Variants in CNTN5 observed in about 807,000 individuals in gnomAD.
CNTN5 encodes the protein contactin-5.
A neutral mutation model predicts 129.1 loss-of-function variants in CNTN5; 77 were observed. The observed-to-expected ratio is 0.60, with a 90% CI of 0.50 to 0.72. The LOEUF is 0.72. CNTN5 is among the 30% of genes least tolerant of loss of function. CNTN5 has a pLI of 0.00. For synonymous variants in CNTN5, 509 were observed against 465.6 expected, an observed-to-expected ratio of 1.09 and a Z score of -1.20; for missense variants, 1,478 against 1,328.8, an observed-to-expected ratio of 1.11 and a Z score of -1.75.
chr11:99,551,854 T>C (rs1948494882), intron 2 of CNTN5, among the ~76,000 whole-genome samples: 1 of 152,058 alleles, frequency 6.6e-6, no homozygotes, highest in South Asian at 2.1e-4. Context: ...TTGACTGAAA[T>C]GTCATTATAT....
At chr11:100,321,691 T>A (rs1951699491) in intron 21 of CNTN5, among the ~76,000 whole-genome samples, 1 of 152,194 alleles carries the variant, frequency 6.6e-6, no homozygotes, top group Non-Finnish European at 1.5e-5. Context: ...GTGTTTGTTA[T>A]TTACGGCCTT....
At chr11:99,609,924 T>C (rs1359563691) in intron 3 of CNTN5, among the ~76,000 whole-genome samples, 3 of 152,122 alleles carry the variant, frequency 2.0e-5, no homozygotes, top group Non-Finnish European at 4.4e-5. Flanking sequence ...TAATGGAAAT[T>C]CCTCATGTTC....
rs200615470 is a variant in CNTN5, at chr11:100,193,594, C to G, written c.1815C>G (p.Phe605Leu). The G allele has an allele frequency of 6.2e-7, 1 of 1,612,082 alleles. No individual in the cohort carries two copies. Among genetic ancestry groups the G allele is most frequent in the Non-Finnish European group, 8.5e-7 (1 of 1,178,820 alleles). ...ACGATGCTAGTTTGGATGTCACTTT[C>G]TACTGGACTCTGAAAGGACAGCCTA... ...AIHDASLDVT[F>L]YWTLKGQPID... Residue 605 changes from phenylalanine to leucine, a missense_variant, in exon 15 of 25, where the codon TTC (phenylalanine) becomes TTG (leucine). Coordinates refer to ENST00000524871, the MANE Select transcript of CNTN5 (RefSeq NM_014361.4).
intron 9 of CNTN5, among the ~76,000 whole-genome samples, chr11:100,029,991 T>A (rs1416064863): frequency 2.0e-5 from 3 of 152,184 alleles, no homozygotes; most frequent in Non-Finnish European, 4.4e-5. Context: ...TCCACAAATA[T>A]AAACTGAATA....
intron 1 of CNTN5, among the ~76,000 whole-genome samples, chr11:99,053,076 A>G (rs1217839363): frequency 2.0e-5 from 3 of 151,884 alleles, no homozygotes; most frequent in African/African-American, 7.2e-5. Flanking sequence ...GTGCCAATAC[A>G]TTTAGTCAAT....
intron 4 of CNTN5, among the ~76,000 whole-genome samples, chr11:99,843,018 G>A (rs1237605874): frequency 6.6e-6 from 1 of 152,120 alleles, no homozygotes; most frequent in Non-Finnish European, 1.5e-5. Flanking sequence ...ATTACTTGAG[G>A]TTAGGAGTGT....
chr11:99,738,863 T>G (rs1943799112), intron 3 of CNTN5, among the ~76,000 whole-genome samples: 2 of 152,168 alleles, frequency 1.3e-5, no homozygotes, highest in Non-Finnish European at 2.9e-5. Flanking sequence ...TGTCAAAAGT[T>G]TTTTTCTATT....
intron 6 of CNTN5, among the ~76,000 whole-genome samples, chr11:99,895,198 A>G (rs772251597): frequency 3.3e-5 from 5 of 152,184 alleles, no homozygotes; most frequent in East Asian, 3.9e-4. Context: ...AGAGGGGACA[A>G]TGTCTCACCT....
At chr11:100,308,513 C>T (rs1951406295) in intron 21 of CNTN5, 45 bp downstream of exon 21, 1 of 1,566,170 alleles carries the variant, frequency 6.4e-7, no homozygotes, top group Non-Finnish European at 8.7e-7. Flanking sequence ...TTTCTTCTGA[C>T]ATCACATTCT....
At chr11:100,238,080 G>A (rs569960045) in intron 16 of CNTN5, among the ~76,000 whole-genome samples, 1 of 152,282 alleles carries the variant, frequency 6.6e-6, no homozygotes, top group South Asian at 2.1e-4. Context: ...AAGTAAAGGT[G>A]CATAAATTCA....
chr11:99,502,734 G>A (rs1946473357), intron 2 of CNTN5, among the ~76,000 whole-genome samples: 1 of 152,134 alleles, frequency 6.6e-6, no homozygotes, highest in African/African-American at 2.4e-5. Flanking sequence ...GCACAGTTAT[G>A]CTCTAGGTCC....
intron 1 of CNTN5, among the ~76,000 whole-genome samples, chr11:99,313,440 C>A (rs1319636601): frequency 2.0e-5 from 3 of 151,866 alleles, no homozygotes; most frequent in Non-Finnish European, 4.4e-5. Flanking sequence ...AGACTTAAGA[C>A]TTTTTTTACA....
At chr11:100,189,035 A>G (rs2138492537) in intron 13 of CNTN5, among the ~76,000 whole-genome samples, 1 of 152,190 alleles carries the variant, frequency 6.6e-6, no homozygotes, top group South Asian at 2.1e-4. Flanking sequence ...AATGGAACTC[A>G]TGGACATTAA....
chr11:99,159,187 G>T (rs1296294917), intron 1 of CNTN5, among the ~76,000 whole-genome samples: 1 of 152,120 alleles, frequency 6.6e-6, no homozygotes, highest in African/African-American at 2.4e-5. Flanking sequence ...TTTAACAAAT[G>T]TATATTTCCT....
chr11:99,381,722 A>T (rs1321005432), intron 2 of CNTN5, among the ~76,000 whole-genome samples: 1 of 152,210 alleles, frequency 6.6e-6, no homozygotes, highest in East Asian at 1.9e-4. Flanking sequence ...TAGGACTCCT[A>T]TTATTAATGA....
At chr11:99,861,615 A>C (rs1948209639) in intron 6 of CNTN5, among the ~76,000 whole-genome samples, 1 of 152,204 alleles carries the variant, frequency 6.6e-6, no homozygotes, top group Non-Finnish European at 1.5e-5. Context: ...GTGATATAAA[A>C]TAAATAGAAT....
intron 23 of CNTN5, among the ~76,000 whole-genome samples, chr11:100,347,816 G>A (rs556311056): frequency 2.6e-4 from 39 of 152,072 alleles, no homozygotes; most frequent in Admixed American, 1.8e-3. Context: ...CAATTCTTCC[G>A]AAGATGCTCA....
At chr11:99,486,349 T>C (rs1324113830) in intron 2 of CNTN5, among the ~76,000 whole-genome samples, 2 of 152,152 alleles carry the variant, frequency 1.3e-5, no homozygotes, top group Non-Finnish European at 2.9e-5. Context: ...AAAGTAAGCT[T>C]TGAAAAGCTC....
At chr11:99,810,509 T>C (rs1946397571) in intron 3 of CNTN5, among the ~76,000 whole-genome samples, 1 of 152,160 alleles carries the variant, frequency 6.6e-6, no homozygotes, top group Non-Finnish European at 1.5e-5. Context: ...TACAACACTG[T>C]AAACTTTACA....
Sources: gnomAD v4.1 joint callset for allele counts (sites outside exome capture counted in the v4.1 genomes callset) on GRCh38, gnomAD v4.1.1 for gene constraint, MANE v1.5 for transcripts, NCBI Gene and HGNC (gene_info 2026-07-23, HGNC 2026-07-21) for gene names.